The following BRINP3 variants were observed in gnomAD, a reference collection of about 807,000 sequenced individuals.
BRINP3 encodes BMP/retinoic acid inducible neural specific 3, also known as BMP/retinoic acid-inducible neural-specific protein 3.
BRINP3 carries 19 observed loss-of-function variants against 71.0 expected under a neutral mutation model. The observed-to-expected ratio is 0.27, with a 90% CI of 0.19 to 0.39. BRINP3 has a LOEUF of 0.39. Ranked by LOEUF, BRINP3 falls within the 10% of genes least tolerant of loss-of-function variation. The pLI is 1.00. For synonymous variants in BRINP3, 380 were observed against 337.7 expected (o/e 1.13, Z -1.37); for missense variants, 959 against 940.8 (o/e 1.02, Z -0.25).
chr1:190,459,676 CT>C (rs887652380), intron 1 of BRINP3, among the ~76,000 whole-genome samples: 1 of 151,876 alleles, frequency 6.6e-6, no homozygotes, highest in Non-Finnish European at 1.5e-5. Flanking sequence ...TGTATCATTT[CT>C]TTTTTTGTAT....
intron 2 of BRINP3, among the ~76,000 whole-genome samples, chr1:190,342,245 T>C (rs1265083309): frequency 6.6e-6 from 1 of 151,612 alleles, no homozygotes; most frequent in African/African-American, 2.4e-5. Context: ...TAGTATTTTT[T>C]AATTAGCAAC....
At chr1:190,190,827 T>C (rs1371659608) in intron 6 of BRINP3, among the ~76,000 whole-genome samples, 1 of 152,156 alleles carries the variant, frequency 6.6e-6, no homozygotes, top group East Asian at 1.9e-4. Context: ...TTGGTCATCA[T>C]CAAATTCCAC....
At chr1:190,314,254 G>C (rs1665731850) in intron 2 of BRINP3, among the ~76,000 whole-genome samples, 1 of 152,010 alleles carries the variant, frequency 6.6e-6, no homozygotes, top group Non-Finnish European at 1.5e-5. Context: ...TAATAACGTA[G>C]CCTGGGGAGT....
chr1:190,416,482 C>A (rs1039797822), intron 2 of BRINP3, among the ~76,000 whole-genome samples: 3 of 152,074 alleles, frequency 2.0e-5, no homozygotes, highest in Non-Finnish European at 4.4e-5. Context: ...CAAGAAATAA[C>A]CATGAACTTC....
rs190597464 is a variant in BRINP3 at position 190,398,799 on chromosome 1, T to C, written c.236+55856A>G. ...GAGGAAATTGGGATAATCAAATAAA[T>C]GGAATGTTGTTCCCTCTTCCTTGAT... On this transcript the variant is annotated intron_variant, in intron 2 of 7. Transcript: ENST00000367462. Among the ~76,000 whole-genome samples the C allele has an allele frequency of 2.8e-4, 42 of 152,148 alleles. 1 individual carries two copies. In the East Asian group the frequency reaches 7.7e-3, roughly 28 times the overall value.
chr1:190,190,079 TTGG>T (rs1207603946), intron 6 of BRINP3, among the ~76,000 whole-genome samples: 1 of 152,108 alleles, frequency 6.6e-6, no homozygotes. Context: ...ATGATATTAG[TTGG>T]TGATGATGAA....
rs539377435 is a variant in BRINP3 at position 190,366,355 on chromosome 1, AACTC to A, written c.237-84609_237-84606del. ...TTAGAAAATAATCAGATTTCCTGAGAACTCACTCACTAGCACAAAAACAGCATGA... is the reference window on the plus strand; with the variant it reads ...TTAGAAAATAATCAGATTTCCTGAGAACTCACTAGCACAAAAACAGCATGA... On this transcript the variant is annotated intron_variant, in intron 2 of 7. Coordinates refer to ENST00000367462, the MANE Select transcript of BRINP3 (RefSeq NM_199051.3). Among the ~76,000 whole-genome samples the A allele has an allele frequency of 6.0e-3, 909 of 152,242 alleles. 14 individuals carry two copies. Among genetic ancestry groups the A allele is most frequent in the African/African-American group, 0.02 (847 of 41,552 alleles).
chr1:190,267,458 G>A (rs1157887858), intron 3 of BRINP3, among the ~76,000 whole-genome samples: 1 of 151,798 alleles, frequency 6.6e-6, no homozygotes, highest in Non-Finnish European at 1.5e-5. Flanking sequence ...AGAATTTAAG[G>A]AACACAGCTA....
At chr1:190,373,227 TA>T (rs1382219106) in intron 2 of BRINP3, among the ~76,000 whole-genome samples, 2 of 151,988 alleles carry the variant, frequency 1.3e-5, no homozygotes, top group Non-Finnish European at 1.5e-5. Context: ...CCGTTTCTAC[TA>T]AAAATACAAA....
chr1:190,292,834 A>AT (rs1663971764), intron 2 of BRINP3, among the ~76,000 whole-genome samples: 1 of 151,994 alleles, frequency 6.6e-6, no homozygotes, highest in Non-Finnish European at 1.5e-5. Context: ...ATTTGTTAGC[A>AT]TATAGGAATT....
chr1:190,158,252 A>G lies in BRINP3; in HGVS notation c.1184+2416T>C, dbSNP rs376516128. ...ACAAGTTCTCTCTTTGCCTGCTGCCATTCATGTAAGATGTGACTTGCTCCT... is the reference window on the plus strand; with the variant it reads ...ACAAGTTCTCTCTTTGCCTGCTGCCGTTCATGTAAGATGTGACTTGCTCCT... On this transcript the variant is annotated intron_variant, in intron 7 of 7. Coordinates refer to ENST00000367462, the MANE Select transcript of BRINP3 (RefSeq NM_199051.3). 8.5e-5 allele frequency among the ~76,000 whole-genome samples: 13 copies of G among 152,174 alleles called. 1 individual carries two copies. The South Asian group carries it at 2.7e-3, about 32-fold the overall frequency.
intron 2 of BRINP3, among the ~76,000 whole-genome samples, chr1:190,301,178 T>G (rs1312588734): frequency 2.4e-5 from 1 of 41,460 alleles, no homozygotes; most frequent in Non-Finnish European, 6.8e-5. Flanking sequence ...TATATATACA[T>G]ATATATATGT....
At chr1:190,455,167 C>G (rs1006282971) in intron 1 of BRINP3, among the ~76,000 whole-genome samples, 1 of 151,976 alleles carries the variant, frequency 6.6e-6, no homozygotes, top group Admixed American at 6.6e-5. Context: ...TCATAACAGA[C>G]TTTGTCATAA....
intron 2 of BRINP3, among the ~76,000 whole-genome samples, chr1:190,320,268 T>A (rs972035492): frequency 6.6e-6 from 1 of 152,058 alleles, no homozygotes; most frequent in Non-Finnish European, 1.5e-5. Flanking sequence ...TAAGAAAGAT[T>A]AATAATAAAT....
intron 6 of BRINP3, among the ~76,000 whole-genome samples, chr1:190,188,087 A>G (rs1026339780): frequency 1.3e-5 from 2 of 151,982 alleles, no homozygotes; most frequent in African/African-American, 4.8e-5. Flanking sequence ...TTGTAGAGAT[A>G]TTACACATTG....
chr1:190,214,933 G>A (rs1030634354), intron 6 of BRINP3, among the ~76,000 whole-genome samples: 1 of 151,526 alleles, frequency 6.6e-6, no homozygotes, highest in African/African-American at 2.4e-5. Flanking sequence ...ACTTGAAGCA[G>A]GAGTGATTCA....
At chr1:190,164,365 T>C (rs751203318) in intron 6 of BRINP3, among the ~76,000 whole-genome samples, 5 of 152,122 alleles carry the variant, frequency 3.3e-5, no homozygotes, top group Non-Finnish European at 7.4e-5. Context: ...ATAAATCAAC[T>C]AAAATAACTC....
chr1:190,379,916 T>A (rs1167805241), intron 2 of BRINP3, among the ~76,000 whole-genome samples: 1 of 147,616 alleles, frequency 6.8e-6, no homozygotes, highest in Non-Finnish European at 1.5e-5. Flanking sequence ...GGAGAATTGC[T>A]TGAACCCAGT....
intron 2 of BRINP3, among the ~76,000 whole-genome samples, chr1:190,436,976 T>C (rs1315496553): frequency 6.6e-6 from 1 of 151,824 alleles, no homozygotes; most frequent in African/African-American, 2.4e-5. Context: ...GATTACAATA[T>C]AAGTTACAGA....
Sources: allele counts gnomAD v4.1 joint callset (sites outside exome capture counted in the v4.1 genomes callset), GRCh38; gene constraint gnomAD v4.1.1; transcripts MANE v1.5; gene names NCBI Gene and HGNC (gene_info 2026-07-23, HGNC 2026-07-21).